CACNA1C: variants seen among roughly 807,000 people sequenced by gnomAD.
CACNA1C encodes voltage-dependent L-type calcium channel subunit alpha-1C.
Under a neutral mutation model 229.0 loss-of-function variants are expected in CACNA1C, and 30 were observed. The ratio of observed to expected loss-of-function variants is 0.13; its 90% confidence interval spans 0.10 to 0.18. CACNA1C has a LOEUF of 0.18. CACNA1C is among the 10% of genes least tolerant of loss of function. The probability of loss-of-function intolerance (pLI) is 1.00; values close to 1 mark genes in which losing one functional copy is unlikely to be tolerated. For synonymous variants in CACNA1C, 1,114 were observed against 1,132.5 expected (o/e 0.98, Z 0.33); for missense variants, 1,658 against 2,845.0 (o/e 0.58, Z 9.49).
intron 3 of CACNA1C, among the ~76,000 whole-genome samples, chr12:2,310,371 A>ATATG (rs1468438929): frequency 6.6e-6 from 1 of 150,576 alleles, no homozygotes; most frequent in Admixed American, 6.6e-5. Context: ...ATATATATAT[A>ATATG]TGTATGGGAA....
At chr12:2,039,534 G>C (rs189814322) in intron 1 of CACNA1C, among the ~76,000 whole-genome samples, 1 of 152,312 alleles carries the variant, frequency 6.6e-6, no homozygotes, top group African/African-American at 2.4e-5. Context: ...CTTGGTAAAG[G>C]AAATTCAAAG....
At position 2,416,038 on chromosome 12, in the gene CACNA1C, C is replaced by T. The variant is rs951407586; in HGVS notation, c.478-32938C>T. Among the ~76,000 whole-genome samples, 6 of 152,034 alleles carry T rather than the reference C, an allele frequency of 3.9e-5. No homozygotes were observed. The East Asian group carries it at 5.8e-4, about 15-fold the overall frequency. ...CTTTGCTGAGGTGAGGGTGTGGGGG[C>T]GGGACCTCTTCACGTGTATCCTCAA... is the stretch of plus-strand genomic sequence containing the variant. On this transcript the variant is annotated intron_variant, in intron 3 of 46. Transcript: ENST00000399655.
intron 3 of CACNA1C, among the ~76,000 whole-genome samples, chr12:2,128,535 C>A (rs377606103): frequency 6.6e-6 from 1 of 152,118 alleles, no homozygotes; most frequent in Admixed American, 6.5e-5. Context: ...CTCAGCCTCC[C>A]GAGTAGCTGG....
chr12:2,338,467 A>G lies in CACNA1C; in HGVS notation c.478-110509A>G, dbSNP rs117714452. 2.0e-3 allele frequency among the ~76,000 whole-genome samples: 299 copies of G among 152,118 alleles called. 4 individuals are homozygous for G. The East Asian group carries it at 0.045, about 23-fold the overall frequency. ...ATGCACTGGAGCCAAAAGTGGCTGCATACCAGAAATGTCCCCCCACCCCCA... is the reference window on the plus strand; with the variant it reads ...ATGCACTGGAGCCAAAAGTGGCTGCGTACCAGAAATGTCCCCCCACCCCCA... On this transcript the variant is annotated intron_variant, in intron 3 of 46. Transcript: ENST00000399655.
At chr12:2,041,229 CT>C (rs1346523309) in intron 1 of CACNA1C, among the ~76,000 whole-genome samples, 3 of 149,332 alleles carry the variant, frequency 2.0e-5, no homozygotes, top group Non-Finnish European at 3.0e-5. Flanking sequence ...TTGAAAAAGA[CT>C]GCTTAGGGGT....
intron 3 of CACNA1C, among the ~76,000 whole-genome samples, chr12:2,367,696 C>T (rs1229861027): frequency 1.3e-5 from 2 of 151,940 alleles, no homozygotes; most frequent in African/African-American, 4.8e-5. Context: ...AATTAATTTA[C>T]CTCTGGAAAT....
intron 3 of CACNA1C, among the ~76,000 whole-genome samples, chr12:2,334,561 T>C (rs1329936041): frequency 6.6e-6 from 1 of 152,178 alleles, no homozygotes; most frequent in Non-Finnish European, 1.5e-5. Context: ...TCCCAGTGAC[T>C]CAGGATGCCA....
chr12:2,315,494 G>T (rs1363131500), intron 3 of CACNA1C, among the ~76,000 whole-genome samples: 1 of 152,148 alleles, frequency 6.6e-6, no homozygotes, highest in Non-Finnish European at 1.5e-5. Context: ...TGTTGTCAGT[G>T]TGCTGACTTA....
intron 3 of CACNA1C, among the ~76,000 whole-genome samples, chr12:2,126,137 ATCTC>A (rs540135991): frequency 1.3e-5 from 2 of 150,928 alleles, no homozygotes; most frequent in Non-Finnish European, 3.0e-5. Context: ...TTTTTAAAAG[ATCTC>A]TCTCTCATTA....
chr12:2,492,059 G>C (rs1450288969), intron 6 of CACNA1C, among the ~76,000 whole-genome samples: 1 of 151,740 alleles, frequency 6.6e-6, no homozygotes, highest in Non-Finnish European at 1.5e-5. Flanking sequence ...GGTCTCTTCT[G>C]TCTGTTATTG....
At chr12:2,624,897 C>G (rs1332179160) in intron 29 of CACNA1C, among the ~76,000 whole-genome samples, 3 of 152,240 alleles carry the variant, frequency 2.0e-5, no homozygotes, top group Non-Finnish European at 4.4e-5. Context: ...AGAAGGGCAG[C>G]AGCTGCGGAT....
intron 1 of CACNA1C, among the ~76,000 whole-genome samples, chr12:1,973,374 TTAA>T (rs1401058395): frequency 6.6e-6 from 1 of 152,184 alleles, no homozygotes; most frequent in Admixed American, 6.5e-5. Context: ...TCTAAATAAA[TTAA>T]TGTTATTAGA....
intron 3 of CACNA1C, among the ~76,000 whole-genome samples, chr12:2,263,878 C>T (rs2081311879): frequency 6.6e-6 from 1 of 151,976 alleles, no homozygotes; most frequent in African/African-American, 2.4e-5. Context: ...CTGTAGAGGT[C>T]TAGGCTGGAG....
intron 3 of CACNA1C, among the ~76,000 whole-genome samples, chr12:2,448,208 T>G (rs145067751): frequency 6.6e-6 from 1 of 152,288 alleles, no homozygotes; most frequent in Non-Finnish European, 1.5e-5. Flanking sequence ...TGCAAAGCCC[T>G]TCTTCAAGGT....
At chr12:2,246,206 A>T (rs1348026878) in intron 3 of CACNA1C, among the ~76,000 whole-genome samples, 3 of 152,224 alleles carry the variant, frequency 2.0e-5, no homozygotes, top group Non-Finnish European at 2.9e-5. Context: ...CAGTGCCCAC[A>T]GTCAGTGCTG....
intron 4 of CACNA1C, among the ~76,000 whole-genome samples, chr12:2,455,314 G>A (rs1464541354): frequency 6.6e-6 from 1 of 151,972 alleles, no homozygotes; most frequent in Non-Finnish European, 1.5e-5. Flanking sequence ...TTCAGCACTT[G>A]AAATGTGGCT....
chr12:2,604,726 G>A (rs2074448610), intron 22 of CACNA1C, among the ~76,000 whole-genome samples: 1 of 152,352 alleles, frequency 6.6e-6, no homozygotes, highest in East Asian at 1.9e-4. Context: ...GCCTTGGCTA[G>A]CAAGTGCCTG....
chr12:2,278,762 T>C (rs949444145), intron 3 of CACNA1C, among the ~76,000 whole-genome samples: 3 of 152,238 alleles, frequency 2.0e-5, no homozygotes, highest in Non-Finnish European at 2.9e-5. Context: ...AGTGGAATGG[T>C]TACATCATGT....
At chr12:2,336,684 G>C (rs938257623) in intron 3 of CACNA1C, among the ~76,000 whole-genome samples, 3 of 152,192 alleles carry the variant, frequency 2.0e-5, no homozygotes, top group African/African-American at 4.8e-5. Flanking sequence ...CTCACACCCA[G>C]GGAAGAGCTG....
Sources: gnomAD v4.1 joint callset for allele counts (sites outside exome capture counted in the v4.1 genomes callset) on GRCh38, gnomAD v4.1.1 for gene constraint, MANE v1.5 for transcripts, NCBI Gene and HGNC (gene_info 2026-07-23, HGNC 2026-07-21) for gene names.